The following SLC15A5 variants were observed in gnomAD, a reference collection of about 807,000 sequenced individuals.
SLC15A5 encodes the protein Peptide/histidine transporter ENSP00000340402.
A neutral mutation model predicts 56.1 loss-of-function variants in SLC15A5; 58 were observed. That is an observed-to-expected ratio of 1.03 (90% confidence interval 0.84 to 1.29). The LOEUF (loss-of-function observed/expected upper bound fraction) is 1.29. SLC15A5 is among the 50% of genes most tolerant of loss of function. SLC15A5 has a pLI of 0.00. For synonymous variants in SLC15A5, 264 were observed against 250.5 expected, an observed-to-expected ratio of 1.05 and a Z score of -0.51; for missense variants, 681 against 672.1, an observed-to-expected ratio of 1.01 and a Z score of -0.15.
intron 3 of SLC15A5, among the ~76,000 whole-genome samples, chr12:16,245,892 G>T (rs1864456282): frequency 6.6e-6 from 1 of 152,116 alleles, no homozygotes. Context: ...TTTAAATAAA[G>T]AATATGTATT....
intron 7 of SLC15A5, among the ~76,000 whole-genome samples, chr12:16,200,114 G>A (rs1313712156): frequency 6.6e-6 from 1 of 151,686 alleles, no homozygotes; most frequent in African/African-American, 2.4e-5. Context: ...AAGGAAAAGT[G>A]ACTACGATAC....
rs1410158958 is a variant in SLC15A5 at position 16,271,194 on chromosome 12, C to T, written c.584+1367G>A. 2.0e-5 allele frequency among the ~76,000 whole-genome samples: 3 copies of T among 152,088 alleles called. No homozygotes were observed. In the East Asian group the frequency reaches 5.8e-4, roughly 29 times the overall value. ...CCTCTGTTTCCCAAAGGAAATATTTCATTCATATAATGTCTCCTTTGTAAT... is the reference window on the plus strand; with the variant it reads ...CCTCTGTTTCCCAAAGGAAATATTTTATTCATATAATGTCTCCTTTGTAAT... On this transcript the variant is annotated intron_variant, in intron 2 of 8. Transcript: ENST00000344941. This position sits in a 1 kb window ranked among gnomAD's most constrained non-coding sequence, Gnocchi z 8.0.
chr12:16,214,048 G>A (rs1188010726), intron 7 of SLC15A5, among the ~76,000 whole-genome samples: 1 of 152,110 alleles, frequency 6.6e-6, no homozygotes, highest in Non-Finnish European at 1.5e-5. Context: ...ATGCTGAGAG[G>A]ATTAGATCTC....
intron 1 of SLC15A5, among the ~76,000 whole-genome samples, chr12:16,273,164 T>A (rs1864779044): frequency 6.6e-6 from 1 of 152,150 alleles, no homozygotes; most frequent in South Asian, 2.1e-4. Context: ...GGTTATTTGT[T>A]CTTAATCAAT....
chr12:16,191,731 C>CTA (rs1166622256), intron 8 of SLC15A5, among the ~76,000 whole-genome samples: 1 of 152,084 alleles, frequency 6.6e-6, no homozygotes, highest in Non-Finnish European at 1.5e-5. Flanking sequence ...TCTTGCTTAA[C>CTA]TCTTCTGACT....
chr12:16,216,848 G>A (rs758893538), intron 7 of SLC15A5, 45 bp downstream of exon 7: 37 of 1,483,910 alleles, frequency 2.5e-5, no homozygotes, highest in Non-Finnish European at 3.2e-5. Context: ...CCATTCCCTA[G>A]TCATCAACTC....
At chr12:16,209,305 G>T (rs74594938) in intron 7 of SLC15A5, among the ~76,000 whole-genome samples, 1 of 151,616 alleles carries the variant, frequency 6.6e-6, no homozygotes, top group African/African-American at 2.4e-5. Flanking sequence ...TACATATATA[G>T]TTCCCTCCTT....
intron 6 of SLC15A5, among the ~76,000 whole-genome samples, chr12:16,219,197 T>G (rs1018999436): frequency 1.3e-5 from 2 of 152,072 alleles, no homozygotes; most frequent in African/African-American, 4.8e-5. Context: ...AAACGCTGAT[T>G]GGAGATGAAG....
At chr12:16,263,752 A>G (rs1864665714) in intron 2 of SLC15A5, among the ~76,000 whole-genome samples, 1 of 152,142 alleles carries the variant, frequency 6.6e-6, no homozygotes, top group Non-Finnish European at 1.5e-5. Context: ...CATAACTAAA[A>G]GGGGCCAAGG....
intron 5 of SLC15A5, among the ~76,000 whole-genome samples, chr12:16,230,757 CAA>C (rs59876940): frequency 0.26 from 33,775 of 129,330 alleles, 4,684 homozygotes; most frequent in African/African-American, 0.41. Context: ...ACTAAAAATA[CAA>C]AAAAAAAAAA....
chr12:16,265,978 A>C (rs914796666), intron 2 of SLC15A5, among the ~76,000 whole-genome samples: 1 of 152,222 alleles, frequency 6.6e-6, no homozygotes, highest in Admixed American at 6.5e-5. Context: ...ATGGCATCTC[A>C]TAAAAATCAA....
intron 3 of SLC15A5, among the ~76,000 whole-genome samples, chr12:16,253,518 G>A (rs1864539645): frequency 6.6e-6 from 1 of 152,022 alleles, no homozygotes; most frequent in Admixed American, 6.6e-5. Context: ...ATTTACAGAT[G>A]GCCAATACAC....
At chr12:16,215,673 T>C (rs922646884) in intron 7 of SLC15A5, among the ~76,000 whole-genome samples, 2 of 152,198 alleles carry the variant, frequency 1.3e-5, no homozygotes, top group Non-Finnish European at 2.9e-5. Context: ...CAATTCCAGG[T>C]AGCACACGGC....
intron 4 of SLC15A5, among the ~76,000 whole-genome samples, chr12:16,240,844 G>A (rs111799178): frequency 6.6e-6 from 1 of 151,810 alleles, no homozygotes; most frequent in Non-Finnish European, 1.5e-5. Flanking sequence ...ACAGAGTCTC[G>A]CTCTGTCACC....
intron 5 of SLC15A5, among the ~76,000 whole-genome samples, chr12:16,233,547 C>T (rs1306499571): frequency 6.6e-6 from 1 of 152,170 alleles, no homozygotes; most frequent in East Asian, 1.9e-4. Flanking sequence ...AGATTTGGCC[C>T]ATGAGCTGTA....
intron 7 of SLC15A5, among the ~76,000 whole-genome samples, chr12:16,199,841 T>C (rs908334643): frequency 6.6e-6 from 1 of 152,080 alleles, no homozygotes; most frequent in African/African-American, 2.4e-5. Flanking sequence ...TAAAACATTA[T>C]AGGTGAGTAT....
chr12:16,238,394 G>A (rs183361156), intron 5 of SLC15A5, among the ~76,000 whole-genome samples: 76 of 152,194 alleles, frequency 5.0e-4, no homozygotes, highest in African/African-American at 1.8e-3. Context: ...TTGGGAGGCC[G>A]AGGCGGGCGG....
intron 8 of SLC15A5, among the ~76,000 whole-genome samples, chr12:16,190,509 C>T (rs1470685540): frequency 6.6e-6 from 1 of 152,128 alleles, no homozygotes; most frequent in African/African-American, 2.4e-5. Context: ...GGGTAAGTTC[C>T]AGCAAAATAG....
chr12:16,265,448 C>T (rs11056847), intron 2 of SLC15A5, among the ~76,000 whole-genome samples: 38,726 of 151,974 alleles, frequency 0.25, 5,420 homozygotes, highest in East Asian at 0.49. Context: ...TCATTAAATA[C>T]TTTCTTGAAT....
Sources: allele counts gnomAD v4.1 joint callset (sites outside exome capture counted in the v4.1 genomes callset), GRCh38; gene constraint gnomAD v4.1.1; non-coding constraint Gnocchi (gnomAD v3.1); transcripts MANE v1.5; gene names NCBI Gene and HGNC (gene_info 2026-07-23, HGNC 2026-07-21).